The following PTCD2 variants were observed in gnomAD, a reference collection of about 807,000 sequenced individuals.
PTCD2 encodes pentatricopeptide repeat-containing protein 2, mitochondrial.
A neutral mutation model predicts 42.6 loss-of-function variants in PTCD2; 31 were observed. The ratio of observed to expected loss-of-function variants is 0.73; its 90% CI spans 0.55 to 0.98. The LOEUF is 0.98. Ranked by LOEUF, PTCD2 falls within the 50% of genes least tolerant of loss-of-function variation. The pLI is 0.00. For synonymous variants in PTCD2, 183 were observed against 170.9 expected (o/e 1.07, Z -0.55); for missense variants, 476 against 454.8 (o/e 1.05, Z -0.42).
chr5:72,323,784 A>T (rs1178332297), intron 2 of PTCD2, among the ~76,000 whole-genome samples: 1 of 152,168 alleles, frequency 6.6e-6, no homozygotes, highest in Non-Finnish European at 1.5e-5. Context: ...AGTAACTAGG[A>T]CTACAGTGCC....
intron 8 of PTCD2, among the ~76,000 whole-genome samples, chr5:72,351,249 TTG>T (rs2112219637): frequency 6.6e-6 from 1 of 152,334 alleles, no homozygotes; most frequent in Non-Finnish European, 1.5e-5. Context: ...TTCTTTTTTC[TTG>T]TGTTAGTTGC....
chr5:72,349,073 T>C (rs1752497397), intron 8 of PTCD2, among the ~76,000 whole-genome samples: 1 of 152,238 alleles, frequency 6.6e-6, no homozygotes, highest in African/African-American at 2.4e-5. Context: ...AATTAGAGCA[T>C]TTATTTTTCT....
chr5:72,346,462 C>T (rs577740496), intron 8 of PTCD2, among the ~76,000 whole-genome samples: 45 of 152,276 alleles, frequency 3.0e-4, no homozygotes, highest in African/African-American at 1.0e-3. Context: ...AGAGCCCTCC[C>T]TGTCTTAGCC....
intron 2 of PTCD2, among the ~76,000 whole-genome samples, chr5:72,322,990 T>G (rs545020421): frequency 1.6e-4 from 24 of 152,064 alleles, no homozygotes; most frequent in African/African-American, 5.8e-4. Context: ...TCTCTACAAA[T>G]TTTTTTAAAG....
At chr5:72,342,847 G>C in intron 7 of PTCD2, 115 bp from the exon 8 acceptor site, 1 of 464,112 alleles carries the variant, frequency 2.2e-6, no homozygotes, top group Non-Finnish European at 3.8e-6. Context: ...TTATCTTTGT[G>C]GACTTCAAAA....
At chr5:72,328,501 A>G (rs1198660469) in intron 3 of PTCD2, among the ~76,000 whole-genome samples, 1 of 152,220 alleles carries the variant, frequency 6.6e-6, no homozygotes, top group East Asian at 1.9e-4. Flanking sequence ...GGGAGGGGAA[A>G]AGGATTCTAC....
intron 1 of PTCD2, 162 bp downstream of exon 1, chr5:72,320,671 T>A: frequency 1.1e-6 from 1 of 904,706 alleles, no homozygotes; most frequent in Non-Finnish European, 1.7e-6. Context: ...TGGTGACCAC[T>A]GGGGGTCGTG....
rs1187288181 is a variant in PTCD2 at position 72,362,330 on chromosome 5, G to A, written c.*3903G>A. 1 of 152,150 alleles carries A rather than the reference G, an allele frequency of 6.6e-6. No homozygotes were observed. The highest frequency in any genetic ancestry group is 6.5e-5 in the Admixed American group (1 of 15,284). The allele number at this position is 152,150 out of a possible 1,614,324, so 9.4% of individuals were successfully genotyped here. On this transcript the variant is annotated 3_prime_UTR_variant, in exon 10 of 10. Coordinates refer to ENST00000380639, the MANE Select transcript of PTCD2 (RefSeq NM_024754.5). ...TTGGTCACCCCTTCCTTTAAGCGAG[G>A]TCATGGCAAAAAGACGCTGTCTATG... is the stretch of plus-strand genomic sequence containing the variant.
At chr5:72,331,469 A>AT in intron 4 of PTCD2, 94 bp downstream of exon 4, 1 of 925,640 alleles carries the variant, frequency 1.1e-6, no homozygotes, top group South Asian at 1.4e-5. Context: ...CCTGGGTTAG[A>AT]TTTTCAAAGA....
chr5:72,331,427 T>C (rs187965416), intron 4 of PTCD2, 52 bp downstream of exon 4: 9 of 1,273,088 alleles, frequency 7.1e-6, no homozygotes, highest in Admixed American at 5.0e-5. Context: ...TTTGGTGATA[T>C]TGGAAAAGGC....
rs545587165 is a variant in PTCD2, at chr5:72,365,516, G to T, written c.*7089G>T. On this transcript the variant is annotated 3_prime_UTR_variant, in exon 10 of 10. Coordinates refer to ENST00000380639, the MANE Select transcript of PTCD2 (RefSeq NM_024754.5). The stretch of plus-strand genomic sequence containing the variant: ...TACAACTCAATTTGATTTTGAATCC[G>T]CAAGTGCAAGTCTCATTCCTGGTAA... 4 of 152,178 alleles carry T rather than the reference G, an allele frequency of 2.6e-5. No homozygotes were observed. Among genetic ancestry groups the T allele is most frequent in the African/African-American group, 2.4e-5 (1 of 41,432 alleles). 9.4% of individuals were successfully genotyped at this position (152,178 alleles called of 1,614,324 possible).
At position 72,336,402 on chromosome 5, in the gene PTCD2, T is replaced by A. The variant is rs115756111; in HGVS notation, c.639+517T>A. 3.2e-3 allele frequency among the ~76,000 whole-genome samples: 495 copies of A among 152,328 alleles called. 4 individuals carry two copies. The highest frequency in any genetic ancestry group is 6.0e-3 in the Non-Finnish European group (407 of 68,024). On this transcript the variant is annotated intron_variant, in intron 6 of 9. Coordinates refer to ENST00000380639, the MANE Select transcript of PTCD2 (RefSeq NM_024754.5). ...ATGTACTTAGCAGATGCACGTTCCA[T>A]TCTCTCCACTTGAGTGTGAGCTCCT...
intron 8 of PTCD2, among the ~76,000 whole-genome samples, chr5:72,344,967 C>T (rs538270676): frequency 8.5e-5 from 13 of 152,246 alleles, no homozygotes; most frequent in Non-Finnish European, 1.8e-4. Flanking sequence ...AATGAAGTTT[C>T]GGGCATGCAT....
At position 72,335,050 on chromosome 5, in the gene PTCD2, A is replaced by G. The variant is rs1328524689; in HGVS notation, c.501A>G (p.Ser167=). The part of the protein sequence containing the change: ...HLRGFFSDST[S]FNILMDMLFI... The stretch of plus-strand genomic sequence containing the variant: ...GAGGTTTCTTCTCAGACTCCACATC[A>G]TTCAATATTTTGATGGATATGTTAT... The change falls in exon 5 of 10, where the codon TCA becomes TCG. Residue 167 remains serine (S), a synonymous_variant. Coordinates refer to ENST00000380639, the MANE Select transcript of PTCD2 (RefSeq NM_024754.5). The G allele has an allele frequency of 6.3e-7, 1 of 1,594,360 alleles. No homozygotes were observed. The highest frequency in any genetic ancestry group is 8.6e-7 in the Non-Finnish European group (1 of 1,162,586).
Position 72,361,765 on chromosome 5 carries a change from C to T in PTCD2, c.*3338C>T, listed in dbSNP as rs1044465770. The T allele has an allele frequency of 3.3e-5, 5 of 152,358 alleles. No homozygotes were observed. The highest frequency in any genetic ancestry group is 1.2e-4 in the African/African-American group (5 of 41,462). The allele number at this position is 152,358 out of a possible 1,614,324, so 9.4% of individuals were successfully genotyped here. On this transcript the variant is annotated 3_prime_UTR_variant, in exon 10 of 10. Coordinates refer to ENST00000380639, the MANE Select transcript of PTCD2 (RefSeq NM_024754.5). ...CCTAATCTGGCCCACATTTGTCCATCCAGCTCCAACTCTTGCTACTCTACG... is the reference window on the plus strand; with the variant it reads ...CCTAATCTGGCCCACATTTGTCCATTCAGCTCCAACTCTTGCTACTCTACG...
chr5:72,336,342 TTG>T (rs1287534886), intron 6 of PTCD2, among the ~76,000 whole-genome samples: 1 of 152,178 alleles, frequency 6.6e-6, no homozygotes, highest in Non-Finnish European at 1.5e-5. Context: ...TTTGCTCTAT[TTG>T]TGTCACCTCC....
At position 72,358,506 on chromosome 5, in the gene PTCD2, C is replaced by T; in HGVS notation, c.*79C>T. The stretch of plus-strand genomic sequence containing the variant: ...ACCTTTCCTAAGAAGCCAGGTATCG[C>T]ACTTCAGCAGACAGTGTGCTGACAC... On this transcript the variant is annotated 3_prime_UTR_variant, in exon 10 of 10. Transcript: ENST00000380639. 1 of 1,016,074 alleles carries T rather than the reference C, an allele frequency of 9.8e-7. No homozygotes were observed. The highest frequency in any genetic ancestry group is 1.5e-6 in the Non-Finnish European group (1 of 666,434). 62.9% of individuals were successfully genotyped at this position (1,016,074 alleles called of 1,614,324 possible).
chr5:72,357,860 T>G (rs58245462), intron 9 of PTCD2, among the ~76,000 whole-genome samples: 9,451 of 152,058 alleles, frequency 0.062, 529 homozygotes, highest in African/African-American at 0.15. Context: ...TTTTTTTTTT[T>G]TAAGACTCAC....
chr5:72,341,055 C>T (rs1163281009), intron 7 of PTCD2, among the ~76,000 whole-genome samples: 1 of 151,732 alleles, frequency 6.6e-6, no homozygotes, highest in African/African-American at 2.4e-5. Flanking sequence ...ACCTCCGCCT[C>T]CTGGGTTAAA....
Sources: allele counts gnomAD v4.1 joint callset (sites outside exome capture counted in the v4.1 genomes callset), GRCh38; gene constraint gnomAD v4.1.1; transcripts MANE v1.5; gene names NCBI Gene and HGNC (gene_info 2026-07-23, HGNC 2026-07-21).